Variants in UGGT2 observed in about 807,000 individuals in gnomAD.
The protein encoded by UGGT2 is UDP-glucose:glycoprotein glucosyltransferase 2.
A neutral mutation model predicts 192.1 loss-of-function variants in UGGT2; 180 were observed. The ratio of observed to expected loss-of-function variants is 0.94; its 90% CI spans 0.83 to 1.06. The LOEUF is 1.06. Ranked by LOEUF, UGGT2 falls within the 50% of genes least tolerant of loss-of-function variation. The probability of loss-of-function intolerance (pLI) is 0.00; values close to 1 mark genes in which losing one functional copy is unlikely to be tolerated. For synonymous variants in UGGT2, 580 were observed against 591.0 expected (o/e 0.98, Z 0.27); for missense variants, 1,849 against 1,795.7 (o/e 1.03, Z -0.54).
intron 5 of UGGT2, among the ~76,000 whole-genome samples, chr13:96,006,623 CAAAAAA>C (rs61256349): frequency 1.9e-4 from 18 of 93,466 alleles, no homozygotes; most frequent in Admixed American, 6.8e-4. Flanking sequence ...GATTCTGCCT[CAAAAAA>C]AAAAAAAAAA....
intron 1 of UGGT2, among the ~76,000 whole-genome samples, chr13:96,032,236 T>C (rs1207962196): frequency 1.3e-5 from 2 of 152,108 alleles, no homozygotes; most frequent in Non-Finnish European, 1.5e-5. Context: ...TCCTTGTTAT[T>C]AGCAACAACT....
At chr13:95,833,178 T>C (rs953688005) in intron 37 of UGGT2, 125 bp from the exon 38 acceptor site, 8 of 1,008,926 alleles carry the variant, frequency 7.9e-6, no homozygotes, top group Non-Finnish European at 1.1e-5. Context: ...GTACTGGAAG[T>C]TTAATACACA....
intron 2 of UGGT2, among the ~76,000 whole-genome samples, chr13:96,029,522 G>C (rs1208844684): frequency 6.6e-6 from 1 of 152,120 alleles, no homozygotes; most frequent in African/African-American, 2.4e-5. Context: ...CTGGCCTCAA[G>C]TGATCTGCCC....
chr13:95,998,087 G>C (rs1051572797), intron 6 of UGGT2, among the ~76,000 whole-genome samples: 1 of 152,140 alleles, frequency 6.6e-6, no homozygotes, highest in African/African-American at 2.4e-5. Flanking sequence ...CCTAAGATCA[G>C]AGAGATGGCT....
At chr13:95,987,089 T>C (rs1264843137) in intron 8 of UGGT2, among the ~76,000 whole-genome samples, 2 of 152,090 alleles carry the variant, frequency 1.3e-5, no homozygotes, top group African/African-American at 4.8e-5. Context: ...GTTTCTCCTT[T>C]AGCTTAAGGA....
intron 29 of UGGT2, among the ~76,000 whole-genome samples, chr13:95,868,160 T>C (rs1890852193): frequency 6.6e-6 from 1 of 152,210 alleles, no homozygotes; most frequent in Non-Finnish European, 1.5e-5. Context: ...TACATACTTT[T>C]AACATTTTTC....
intron 15 of UGGT2, among the ~76,000 whole-genome samples, chr13:95,943,000 G>C (rs1182794992): frequency 2.6e-5 from 4 of 152,086 alleles, no homozygotes; most frequent in African/African-American, 9.7e-5. Context: ...TTGAACCACA[G>C]TTGTTGTAAG....
chr13:95,887,905 C>T lies in UGGT2; in HGVS notation c.3025G>A (p.Ala1009Thr). The T allele has an allele frequency of 6.3e-7, 1 of 1,599,120 alleles. No homozygotes were observed. Among genetic ancestry groups the T allele is most frequent in the Non-Finnish European group, 8.5e-7 (1 of 1,171,910 alleles). The change falls in exon 26 of 39, where the codon GCC becomes ACC. Residue 1009 changes from alanine (A) to threonine (T), a missense_variant. Coordinates refer to ENST00000376747, the MANE Select transcript of UGGT2 (RefSeq NM_020121.4). ...FMNCRGRLSEAPLESFYRFVL... is the reference protein window; with the variant it reads ...FMNCRGRLSETPLESFYRFVL... ...ACTCAGATTTACCTTTCTAAAGGGG[C>T]TTCTGAAAGCCTGCCCCTACAGTTC...
intron 15 of UGGT2, among the ~76,000 whole-genome samples, chr13:95,943,368 A>G (rs2049755292): frequency 6.6e-6 from 1 of 152,040 alleles, no homozygotes; most frequent in Non-Finnish European, 1.5e-5. Flanking sequence ...TTTCATGGCT[A>G]TAATTCCAAA....
intron 12 of UGGT2, among the ~76,000 whole-genome samples, chr13:95,962,048 A>G (rs2050409607): frequency 6.6e-6 from 1 of 152,180 alleles, no homozygotes; most frequent in South Asian, 2.1e-4. Context: ...TGAACATGTA[A>G]ACACAACATA....
At chr13:95,813,362 C>CT (rs1200443677) in intron 38 of UGGT2, among the ~76,000 whole-genome samples, 1 of 152,178 alleles carries the variant, frequency 6.6e-6, no homozygotes, top group Non-Finnish European at 1.5e-5. Context: ...ACATGTTATG[C>CT]TTTAACAAAG....
chr13:95,865,128 G>A (rs926692498), intron 30 of UGGT2, among the ~76,000 whole-genome samples: 9 of 151,940 alleles, frequency 5.9e-5, no homozygotes, highest in South Asian at 2.1e-4. Flanking sequence ...ATTCTACTTC[G>A]TAATTTGTGG....
chr13:95,966,603 T>C (rs2050587065), intron 12 of UGGT2, among the ~76,000 whole-genome samples: 1 of 152,186 alleles, frequency 6.6e-6, no homozygotes, highest in African/African-American at 2.4e-5. Context: ...TAGTGACGGA[T>C]ACCCCAAATA....
chr13:95,870,475 T>C (rs1005920515), intron 29 of UGGT2, among the ~76,000 whole-genome samples: 3 of 152,210 alleles, frequency 2.0e-5, no homozygotes, highest in African/African-American at 7.2e-5. Context: ...GGTTTTCTAC[T>C]TCAGTGTTCC....
intron 1 of UGGT2, among the ~76,000 whole-genome samples, chr13:96,043,257 T>C (rs1196559039): frequency 1.3e-5 from 2 of 152,136 alleles, no homozygotes; most frequent in African/African-American, 2.4e-5. Context: ...ATTTCGTATC[T>C]AGCAAAACTA....
intron 5 of UGGT2, among the ~76,000 whole-genome samples, chr13:96,002,494 C>A (rs1001122937): frequency 2.6e-5 from 4 of 152,176 alleles, no homozygotes; most frequent in South Asian, 2.1e-4. Flanking sequence ...CTACATGAAC[C>A]AATGCCTGGC....
intron 30 of UGGT2, among the ~76,000 whole-genome samples, chr13:95,864,847 T>C (rs1476418026): frequency 2.6e-5 from 4 of 152,144 alleles, no homozygotes; most frequent in Non-Finnish European, 5.9e-5. Flanking sequence ...CTGGCAAACA[T>C]CTCCAAGAAA....
At position 95,999,245 on chromosome 13, in the gene UGGT2, T is replaced by C. The variant is rs112698104; in HGVS notation, c.723A>G (p.Thr241=). 1 of 1,613,682 alleles carries C rather than the reference T, an allele frequency of 6.2e-7. No homozygotes were observed. Among genetic ancestry groups the C allele is most frequent in the East Asian group, 2.2e-5 (1 of 44,786 alleles). ...GGGTATCATCCAGTGCTTTGTATTC[T>C]GTACTCTTAATTGCTAGCTCCACAC... ...GYGVELAIKS[T]EYKALDDTQV... Residue 241 remains threonine (T), a synonymous_variant, in exon 6 of 39, where the codon ACA becomes ACG. Coordinates refer to ENST00000376747, the MANE Select transcript of UGGT2 (RefSeq NM_020121.4).
intron 22 of UGGT2, among the ~76,000 whole-genome samples, chr13:95,896,066 G>A (rs927145150): frequency 6.6e-6 from 1 of 151,884 alleles, no homozygotes; most frequent in Non-Finnish European, 1.5e-5. Flanking sequence ...CTAACACCAC[G>A]TACACAAAAC....
Sources: allele counts gnomAD v4.1 joint callset (sites outside exome capture counted in the v4.1 genomes callset), GRCh38; gene constraint gnomAD v4.1.1; transcripts MANE v1.5; gene names NCBI Gene and HGNC (gene_info 2026-07-23, HGNC 2026-07-21).